Variants in DHRS12 observed in about 807,000 individuals in gnomAD.
The protein encoded by DHRS12 is dehydrogenase/reductase SDR family member 12.
Under a neutral mutation model 32.1 loss-of-function variants are expected in DHRS12, and 29 were observed. The ratio of observed to expected loss-of-function variants is 0.90; its 90% CI spans 0.67 to 1.23. The LOEUF is 1.23. Among genes scored for constraint, DHRS12 ranks in the 50% most tolerant of loss-of-function variants. The pLI is 0.00. For missense variants in DHRS12, 330 were observed against 337.2 expected, an observed-to-expected ratio of 0.98 and a Z score of 0.17; for synonymous variants, 150 against 135.9, an observed-to-expected ratio of 1.10 and a Z score of -0.72.
Position 51,797,743 on chromosome 13 carries a change from G to A in DHRS12, c.126+1791C>T. On this transcript the variant is annotated intron_variant, in intron 2 of 8. Coordinates refer to ENST00000444610, the MANE Select transcript of DHRS12 (RefSeq NM_001377533.1). ...ACAAACACAGGCCCTCTTCAACCCA[G>A]GGAAAGCGGGTAGGAGTCCAGCCTC... 2.2e-6 allele frequency: 3 copies of A among 1,390,514 alleles called. No homozygotes were observed. In the South Asian group the frequency reaches 3.8e-5, roughly 18 times the overall value. 86.1% of individuals were successfully genotyped at this position (1,390,514 alleles called of 1,614,324 possible). A position where few individuals can be genotyped will look rare whatever the true frequency, so the allele number is the denominator to read the frequency against.
At chr13:51,789,218 C>T (rs1212636210) in intron 4 of DHRS12, among the ~76,000 whole-genome samples, 1 of 152,150 alleles carries the variant, frequency 6.6e-6, no homozygotes, top group Non-Finnish European at 1.5e-5. Flanking sequence ...TGACCTAGAA[C>T]AATACTTAAT....
intron 4 of DHRS12, among the ~76,000 whole-genome samples, chr13:51,784,543 G>A (rs78139816): frequency 6.6e-6 from 1 of 152,168 alleles, no homozygotes; most frequent in Admixed American, 6.5e-5. Flanking sequence ...TAAGGAATCT[G>A]GATGTTAAAA....
intron 7 of DHRS12, chr13:51,771,615 G>C (rs767876997): frequency 1.3e-6 from 2 of 1,492,272 alleles, no homozygotes; most frequent in Non-Finnish European, 1.8e-6. Context: ...ACTTGCACAG[G>C]GCAAGCTGGA....
At chr13:51,762,808 A>G in the DHRS12 span, 1 of 125,550 alleles carries the variant, frequency 8.0e-6, no homozygotes, top group South Asian at 2.5e-4. Flanking sequence ...CTGCGCTGAG[A>G]AAGTGGCAGA....
intron 6 of DHRS12, among the ~76,000 whole-genome samples, chr13:51,772,216 G>A (rs1202358685): frequency 4.6e-5 from 7 of 152,142 alleles, no homozygotes; most frequent in Admixed American, 6.5e-5. Context: ...GGTGTTCCTC[G>A]TCCACAAGTC....
At chr13:51,790,847 T>A (rs181661945) in intron 3 of DHRS12, among the ~76,000 whole-genome samples, 4 of 152,286 alleles carry the variant, frequency 2.6e-5, no homozygotes, top group African/African-American at 9.6e-5. Context: ...AGCTTCTAAT[T>A]TCAACACACC....
chr13:51,756,132 T>C, the DHRS12 span, among the ~76,000 whole-genome samples: 19,042 of 151,954 alleles, frequency 0.13, 1,473 homozygotes, highest in South Asian at 0.22. Flanking sequence ...GTCAGGTGTG[T>C]TACCCAACAG....
intron 6 of DHRS12, 76 bp downstream of exon 6, chr13:51,773,853 CA>C: frequency 1.6e-6 from 2 of 1,248,664 alleles, no homozygotes; most frequent in Non-Finnish European, 2.4e-6. Context: ...ATGTGCATCC[CA>C]GAGTAAGCTT....
chr13:51,776,765 G>T (rs960919405), intron 5 of DHRS12, among the ~76,000 whole-genome samples: 9 of 152,102 alleles, frequency 5.9e-5, no homozygotes, highest in African/African-American at 2.2e-4. Context: ...CCTGACCTGA[G>T]CACCCCACAA....
At chr13:51,791,458 A>G (rs1955266176) in intron 2 of DHRS12, among the ~76,000 whole-genome samples, 1 of 151,770 alleles carries the variant, frequency 6.6e-6, no homozygotes, top group Non-Finnish European at 1.5e-5. Flanking sequence ...CATATACTAT[A>G]TATACAATAC....
At chr13:51,802,884 C>T (rs888667417) in intron 1 of DHRS12, among the ~76,000 whole-genome samples, 1 of 151,550 alleles carries the variant, frequency 6.6e-6, no homozygotes, top group Non-Finnish European at 1.5e-5. Context: ...GTGGGGAAAT[C>T]AGAGCGAAAG....
intron 4 of DHRS12, among the ~76,000 whole-genome samples, chr13:51,783,354 C>T (rs1057151126): frequency 2.2e-4 from 33 of 152,074 alleles, no homozygotes; most frequent in African/African-American, 7.0e-4. Context: ...TTACTGAGGA[C>T]GAGCACCAAG....
At chr13:51,784,543 G>T (rs78139816) in intron 4 of DHRS12, among the ~76,000 whole-genome samples, 2,863 of 152,278 alleles carry the variant, frequency 0.019, 86 homozygotes, top group African/African-American at 0.065. Flanking sequence ...TAAGGAATCT[G>T]GATGTTAAAA....
intron 2 of DHRS12, among the ~76,000 whole-genome samples, chr13:51,792,447 T>C (rs1019775149): frequency 6.6e-6 from 1 of 152,156 alleles, no homozygotes; most frequent in Admixed American, 6.5e-5. Flanking sequence ...TCGCCCAGGC[T>C]AGAGTGCAGT....
chr13:51,758,241 G>C, the DHRS12 span: 2 of 1,602,234 alleles, frequency 1.2e-6, no homozygotes, highest in Non-Finnish European at 1.7e-6. Context: ...CATTGTGCAT[G>C]TGCATTTCGA....
chr13:51,795,156 G>C (rs904917097), intron 2 of DHRS12, among the ~76,000 whole-genome samples: 2 of 152,106 alleles, frequency 1.3e-5, no homozygotes, highest in African/African-American at 2.4e-5. Flanking sequence ...GGCTCAGCTG[G>C]CCTGCCGCAC....
At chr13:51,778,906 T>C (rs1417001754) in intron 4 of DHRS12, among the ~76,000 whole-genome samples, 1 of 152,200 alleles carries the variant, frequency 6.6e-6, no homozygotes, top group Admixed American at 6.5e-5. Flanking sequence ...TGTGCATACA[T>C]ATGTGTGTAC....
intron 7 of DHRS12, among the ~76,000 whole-genome samples, chr13:51,769,741 G>T (rs985960343): frequency 2.0e-5 from 3 of 152,166 alleles, no homozygotes. Flanking sequence ...CTGTTTTAGT[G>T]TTTTCCTCTT....
chr13:51,787,330 TC>T (rs1296624986), intron 4 of DHRS12, among the ~76,000 whole-genome samples: 1 of 152,210 alleles, frequency 6.6e-6, no homozygotes, highest in East Asian at 1.9e-4. Flanking sequence ...AAGGCCAAGG[TC>T]CCCAGATTAC....
Sources: allele counts gnomAD v4.1 joint callset (sites outside exome capture counted in the v4.1 genomes callset), GRCh38; gene constraint gnomAD v4.1.1; transcripts MANE v1.5; gene names NCBI Gene and HGNC (gene_info 2026-07-23, HGNC 2026-07-21).